The following DPP10 variants were observed in gnomAD, a reference collection of about 807,000 sequenced individuals.
The protein encoded by DPP10 is dipeptidyl peptidase like 10.
In DPP10, 33 loss-of-function variants were observed where a neutral mutation model predicts 120.9. The ratio of observed to expected loss-of-function variants is 0.27; its 90% CI spans 0.21 to 0.37. The LOEUF is 0.37. Among genes scored for constraint, DPP10 ranks in the 10% least tolerant of loss-of-function variants. The probability of loss-of-function intolerance (pLI) is 1.00; values close to 1 mark genes in which losing one functional copy is unlikely to be tolerated. For synonymous variants in DPP10, 337 were observed against 326.1 expected, an observed-to-expected ratio of 1.03 and a Z score of -0.36; for missense variants, 816 against 942.8, an observed-to-expected ratio of 0.87 and a Z score of 1.76.
intron 1 of DPP10, among the ~76,000 whole-genome samples, chr2:115,021,096 C>A (rs1056945037): frequency 6.6e-6 from 1 of 151,920 alleles, no homozygotes; most frequent in Admixed American, 6.6e-5. Flanking sequence ...AATCTAAGGT[C>A]ACACATCACA....
chr2:115,804,279 C>T (rs1291048237), intron 19 of DPP10, among the ~76,000 whole-genome samples: 1 of 152,302 alleles, frequency 6.6e-6, no homozygotes, highest in Non-Finnish European at 1.5e-5. Flanking sequence ...TTTTCAGCTC[C>T]AACAGGTCCT....
chr2:114,563,974 C>T (rs1436621503), intron 1 of DPP10, among the ~76,000 whole-genome samples: 2 of 152,186 alleles, frequency 1.3e-5, no homozygotes, highest in Non-Finnish European at 1.5e-5. Context: ...GCTCGCAGCT[C>T]ACCCGCTGGG....
chr2:115,156,849 A>G (rs545115510), intron 1 of DPP10, among the ~76,000 whole-genome samples: 1 of 152,334 alleles, frequency 6.6e-6, no homozygotes, highest in East Asian at 1.9e-4. Context: ...TCATTTGTAG[A>G]CAAATCTGAT....
chr2:114,793,902 C>T (rs1224608465), intron 1 of DPP10, among the ~76,000 whole-genome samples: 1 of 152,116 alleles, frequency 6.6e-6, no homozygotes, highest in Admixed American at 6.5e-5. Flanking sequence ...TATATTTCAT[C>T]TTCCCAGTAA....
intron 1 of DPP10, among the ~76,000 whole-genome samples, chr2:114,918,264 A>T (rs1424685630): frequency 6.6e-6 from 1 of 152,178 alleles, no homozygotes; most frequent in Non-Finnish European, 1.5e-5. Flanking sequence ...ATCACACACC[A>T]GTCAGATTGG....
At chr2:114,731,700 A>G (rs1407905227) in intron 1 of DPP10, among the ~76,000 whole-genome samples, 1 of 152,194 alleles carries the variant, frequency 6.6e-6, no homozygotes, top group Non-Finnish European at 1.5e-5. Context: ...AGGTGGCACA[A>G]CAAAACACAT....
chr2:114,629,479 G>A (rs72953560), intron 1 of DPP10, among the ~76,000 whole-genome samples: 22,654 of 152,156 alleles, frequency 0.15, 2,824 homozygotes, highest in African/African-American at 0.34. Flanking sequence ...GACTTGGGTC[G>A]TTAACGGGTA....
chr2:114,813,946 AC>A (rs1685401901), intron 1 of DPP10, among the ~76,000 whole-genome samples: 1 of 107,444 alleles, frequency 9.3e-6, no homozygotes, highest in Non-Finnish European at 1.8e-5. Context: ...GCATGAACAC[AC>A]ACACACACAC....
chr2:115,780,786 G>A lies in DPP10; in HGVS notation c.1362-88G>A, dbSNP rs1012768741. On this transcript the variant is annotated intron_variant, in intron 15 of 25. Transcript: ENST00000410059. ...ATGCAAGCACCGATGTAACTCCCTTGTTTATATTATATTTAAATATGAACA... is the reference window on the plus strand; with the variant it reads ...ATGCAAGCACCGATGTAACTCCCTTATTTATATTATATTTAAATATGAACA... The A allele has an allele frequency of 2.3e-6, 3 of 1,288,080 alleles. No individual in the cohort carries two copies. In the Admixed American group the frequency reaches 7.2e-5, roughly 31 times the overall value. 79.8% of individuals were successfully genotyped at this position (1,288,080 alleles called of 1,614,324 possible).
At chr2:114,750,580 G>A (rs1056199748) in intron 1 of DPP10, among the ~76,000 whole-genome samples, 8 of 152,222 alleles carry the variant, frequency 5.3e-5, no homozygotes, top group South Asian at 2.1e-4. Flanking sequence ...TGATCCGCCC[G>A]CCTCAGCCTC....
chr2:115,836,204 G>A lies in DPP10; in HGVS notation c.1998G>A (p.Lys666=). 1 of 1,607,448 alleles carries A rather than the reference G, an allele frequency of 6.2e-7. No homozygotes were observed. The highest frequency in any genetic ancestry group is 2.3e-5 in the East Asian group (1 of 44,412). Residue 666 remains lysine, a synonymous_variant, in exon 22 of 26, where the codon AAG becomes AAA. Coordinates refer to ENST00000410059, the MANE Select transcript of DPP10 (RefSeq NM_020868.6). ...IASMILKSDE[K]LFKCGSVVAP... ...CAATGATCTTAAAATCAGATGAAAA[G>A]CTTTTTAAATGTGGATCCGTGGTTG...
At chr2:115,782,276 A>T (rs549021448) in intron 16 of DPP10, 76 bp from the exon 17 acceptor site, 24 of 1,302,160 alleles carry the variant, frequency 1.8e-5, no homozygotes, top group South Asian at 2.6e-5. Flanking sequence ...GGGGGAAAAA[A>T]CTATTATGTA....
rs1553554647 is a variant in DPP10 at position 115,334,230 on chromosome 2, G to GTTTTTTTTTTTGT, written c.176-9576_176-9575insGTTTTTTTTTTTT. On this transcript the variant is annotated intron_variant, in intron 2 of 25. Coordinates refer to ENST00000410059, the MANE Select transcript of DPP10 (RefSeq NM_020868.6). Reference sequence around the variant, plus strand: ...TCAGGAATGGACCAGAGCAGACTCTGTTTTTTTTTTTTTTTTAAGAAACCT... The same window carrying GTTTTTTTTTTTGT: ...TCAGGAATGGACCAGAGCAGACTCTGTTTTTTTTTTTGTTTTTTTTTTTTTTTTTAAGAAACCT... Among the ~76,000 whole-genome samples the GTTTTTTTTTTTGT allele has an allele frequency of 1.8e-4, 10 of 56,412 alleles. 2 individuals carry two copies. Among genetic ancestry groups the GTTTTTTTTTTTGT allele is most frequent in the Non-Finnish European group, 3.6e-4 (9 of 25,182 alleles). The allele number at this position is 56,412 out of a possible 152,430, so 37.0% of individuals were successfully genotyped here. A position where few individuals can be genotyped will look rare whatever the true frequency, so the allele number is the denominator to read the frequency against.
At chr2:114,891,688 C>T (rs985613984) in intron 1 of DPP10, among the ~76,000 whole-genome samples, 1 of 152,152 alleles carries the variant, frequency 6.6e-6, no homozygotes, top group East Asian at 1.9e-4. Flanking sequence ...AATTTCAAAT[C>T]ACTGCAAATA....
intron 1 of DPP10, among the ~76,000 whole-genome samples, chr2:114,811,906 A>C (rs1685205243): frequency 6.6e-6 from 1 of 152,218 alleles, no homozygotes; most frequent in Non-Finnish European, 1.5e-5. Context: ...TTTCAAGAAC[A>C]AAAGCTCTCA....
At chr2:114,844,864 C>T (rs1282759661) in intron 1 of DPP10, among the ~76,000 whole-genome samples, 1 of 152,016 alleles carries the variant, frequency 6.6e-6, no homozygotes, top group Admixed American at 6.6e-5. Flanking sequence ...AGAATAATAG[C>T]AGAAGGATAA....
intron 1 of DPP10, among the ~76,000 whole-genome samples, chr2:115,153,231 T>C (rs1393923236): frequency 6.6e-6 from 1 of 152,188 alleles, no homozygotes; most frequent in Non-Finnish European, 1.5e-5. Flanking sequence ...TTAAAAGATA[T>C]TATGAAACAG....
intron 1 of DPP10, among the ~76,000 whole-genome samples, chr2:114,851,825 G>A (rs890787444): frequency 1.3e-5 from 2 of 152,198 alleles, no homozygotes; most frequent in Middle Eastern, 3.4e-3. Flanking sequence ...AGTTGCACAC[G>A]CATTGCAAGG....
At chr2:115,460,760 C>T (rs2073940651) in intron 3 of DPP10, among the ~76,000 whole-genome samples, 1 of 152,144 alleles carries the variant, frequency 6.6e-6, no homozygotes, top group African/African-American at 2.4e-5. Flanking sequence ...ACTGCCAGGT[C>T]TTGAGAATGA....
Sources: allele counts gnomAD v4.1 joint callset (sites outside exome capture counted in the v4.1 genomes callset), GRCh38; gene constraint gnomAD v4.1.1; transcripts MANE v1.5; gene names NCBI Gene and HGNC (gene_info 2026-07-23, HGNC 2026-07-21).